Variants in PLEKHG1 observed in about 807,000 individuals in gnomAD.
The protein encoded by PLEKHG1 is pleckstrin homology domain-containing family G member 1.
Under a neutral mutation model 100.8 loss-of-function variants are expected in PLEKHG1, and 44 were observed. That is an observed-to-expected ratio of 0.44 (90% CI 0.34 to 0.56). PLEKHG1 has a LOEUF of 0.56. Ranked by LOEUF, PLEKHG1 falls within the 20% of genes least tolerant of loss-of-function variation. The pLI, the probability that PLEKHG1 is intolerant of heterozygous loss-of-function variation, is 0.01. For missense variants in PLEKHG1, 1,545 were observed against 1,720.9 expected, an observed-to-expected ratio of 0.90 and a Z score of 1.81; for synonymous variants, 640 against 662.5, an observed-to-expected ratio of 0.97 and a Z score of 0.52.
upstream of PLEKHG1, among the ~76,000 whole-genome samples, chr6:150,718,151 G>A (rs1190069556): frequency 6.6e-6 from 1 of 152,102 alleles, no homozygotes; most frequent in Non-Finnish European, 1.5e-5. Context: ...TGTTAGTATG[G>A]GCAAATAAAT....
intron 1 of PLEKHG1, among the ~76,000 whole-genome samples, chr6:150,727,314 T>C (rs2128613304): frequency 6.6e-6 from 1 of 152,272 alleles, no homozygotes; most frequent in Non-Finnish European, 1.5e-5. Flanking sequence ...CCATCAGATG[T>C]CCCCGTTCTC....
upstream of PLEKHG1, among the ~76,000 whole-genome samples, chr6:150,718,689 C>T (rs146634678): frequency 0.011 from 1,600 of 152,182 alleles, 32 homozygotes; most frequent in African/African-American, 0.036. Flanking sequence ...AGGCTAGTCT[C>T]GAACTTCTGA....
intron 15 of PLEKHG1, 92 bp from the exon 17 acceptor site, chr6:150,839,741 A>G (rs1434508965): frequency 1.2e-6 from 1 of 837,484 alleles, no homozygotes; most frequent in Non-Finnish European, 1.9e-6. Flanking sequence ...AAATTTTAAA[A>G]TACGTTGGTT....
intron 2 of PLEKHG1, among the ~76,000 whole-genome samples, chr6:150,739,772 T>C (rs1782755465): frequency 6.6e-6 from 1 of 152,204 alleles, no homozygotes; most frequent in Admixed American, 6.5e-5. Context: ...CATTCAGCAT[T>C]ATTCAAAACT....
intron 2 of PLEKHG1, among the ~76,000 whole-genome samples, chr6:150,735,322 C>T (rs62434149): frequency 2.1e-3 from 324 of 152,278 alleles, no homozygotes; most frequent in Non-Finnish European, 3.5e-3. Flanking sequence ...GCTACACTTG[C>T]TTTGCTGCCT....
chr6:150,739,060 A>G (rs1782713882), intron 2 of PLEKHG1, among the ~76,000 whole-genome samples: 2 of 152,162 alleles, frequency 1.3e-5, no homozygotes, highest in Admixed American at 1.3e-4. Context: ...AATGATCTAT[A>G]AAAGAGCTTT....
chr6:150,820,813 C>T (rs967954438), intron 12 of PLEKHG1, among the ~76,000 whole-genome samples: 2 of 152,042 alleles, frequency 1.3e-5, no homozygotes, highest in Non-Finnish European at 2.9e-5. Context: ...TGCAAGGAGC[C>T]GAGATCGTAC....
At chr6:150,765,361 C>T (rs1784404125) in intron 2 of PLEKHG1, among the ~76,000 whole-genome samples, 1 of 151,618 alleles carries the variant, frequency 6.6e-6, no homozygotes, top group Non-Finnish European at 1.5e-5. Context: ...GGCATGATGG[C>T]ACGTGCCTGC....
chr6:150,718,843 G>A (rs1781543156), upstream of PLEKHG1, among the ~76,000 whole-genome samples: 1 of 151,146 alleles, frequency 6.6e-6, no homozygotes. Context: ...GCTATCCATT[G>A]GTTAATTTAT....
intron 2 of PLEKHG1, among the ~76,000 whole-genome samples, chr6:150,745,272 C>G (rs759735520): frequency 1.3e-5 from 2 of 152,196 alleles, no homozygotes; most frequent in Non-Finnish European, 2.9e-5. Flanking sequence ...AGAAAAGGTA[C>G]AGTGAAAATG....
At chr6:150,753,983 G>C (rs1426332863) in intron 2 of PLEKHG1, among the ~76,000 whole-genome samples, 1 of 152,218 alleles carries the variant, frequency 6.6e-6, no homozygotes, top group East Asian at 1.9e-4. Flanking sequence ...CTCATTAGGT[G>C]CTGGGAACAC....
intron 1 of PLEKHG1, among the ~76,000 whole-genome samples, chr6:150,606,529 T>A (rs1776608768): frequency 6.6e-6 from 1 of 152,050 alleles, no homozygotes; most frequent in South Asian, 2.1e-4. Context: ...TATTTCCCCA[T>A]CCTCCTCCCT....
chr6:150,775,166 G>T (rs544862962), intron 3 of PLEKHG1, among the ~76,000 whole-genome samples: 1 of 152,134 alleles, frequency 6.6e-6, no homozygotes, highest in African/African-American at 2.4e-5. Flanking sequence ...TTAGTCAAAA[G>T]AAACCACTTT....
At chr6:150,633,479 G>A (rs1005266639) in intron 1 of PLEKHG1, among the ~76,000 whole-genome samples, 3 of 152,210 alleles carry the variant, frequency 2.0e-5, no homozygotes, top group Admixed American at 2.0e-4. Context: ...CAGGCAGAGT[G>A]CAGAGCTTTA....
chr6:150,835,702 G>A (rs1301478210), intron 15 of PLEKHG1, among the ~76,000 whole-genome samples: 1 of 152,106 alleles, frequency 6.6e-6, no homozygotes, highest in Non-Finnish European at 1.5e-5. Context: ...CTGGCTAATA[G>A]AATCTGTTTA....
At position 150,809,024 on chromosome 6, in the gene PLEKHG1, G is replaced by T; in HGVS notation, c.913-81G>T. ...TCAGGGACGATTTGGCACCATTCTT[G>T]AGGCTCAACAGATGGGCCACCAAGC... On this transcript the variant is annotated intron_variant, in intron 7 of 15. Coordinates refer to ENST00000358517, the Ensembl canonical transcript of PLEKHG1. 2 of 1,220,742 alleles carry T rather than the reference G, an allele frequency of 1.6e-6. 1 individual carries two copies. The highest frequency in any genetic ancestry group is 2.7e-5 in the South Asian group (2 of 73,192). The allele number at this position is 1,220,742 out of a possible 1,614,324, so 75.6% of individuals were successfully genotyped here. A position where few individuals can be genotyped will look rare whatever the true frequency, so the allele number is the denominator to read the frequency against.
At chr6:150,828,334 G>A (rs1382099222) in intron 14 of PLEKHG1, 1 of 1,611,642 alleles carries the variant, frequency 6.2e-7, no homozygotes, top group African/African-American at 1.3e-5. Context: ...GCTCTCCTCA[G>A]TGCGGCGCTC....
At position 150,612,044 on chromosome 6, in the gene PLEKHG1, T is replaced by A. The variant is rs1409776537; in HGVS notation, c.-204+12027T>A. 6.0e-4 allele frequency among the ~76,000 whole-genome samples: 28 copies of A among 46,908 alleles called. 1 individual carries two copies. The highest frequency in any genetic ancestry group is 2.1e-3 in the African/African-American group (26 of 12,472). 30.8% of individuals were successfully genotyped at this position (46,908 alleles called of 152,430 possible). The stretch of plus-strand genomic sequence containing the variant: ...ACCTACTTTCAGCTTCCTGGTGTTG[T>A]TCCCCCCCCCCCCCCCTTTTCTAGT... On this transcript the variant is annotated intron_variant, in intron 1 of 3. Coordinates refer to the PLEKHG1 transcript ENST00000367326.
chr6:150,622,149 T>A (rs563363187), intron 1 of PLEKHG1, among the ~76,000 whole-genome samples: 1 of 152,190 alleles, frequency 6.6e-6, no homozygotes, highest in African/African-American at 2.4e-5. Flanking sequence ...TGAATGAGCC[T>A]ATCATGCTGT....
Sources: gnomAD v4.1 joint callset for allele counts (sites outside exome capture counted in the v4.1 genomes callset) on GRCh38, gnomAD v4.1.1 for gene constraint, MANE v1.5 for transcripts, NCBI Gene and HGNC (gene_info 2026-07-23, HGNC 2026-07-21) for gene names.